The following PDE3A variants were observed in gnomAD, a reference collection of about 807,000 sequenced individuals.
PDE3A encodes phosphodiesterase 3A.
PDE3A carries 43 observed loss-of-function variants against 98.3 expected under a neutral mutation model. That is an observed-to-expected ratio of 0.44 (90% confidence interval 0.34 to 0.56). PDE3A has a LOEUF of 0.56. Ranked by LOEUF, PDE3A falls within the 20% of genes least tolerant of loss-of-function variation. PDE3A has a pLI of 0.01. For synonymous variants in PDE3A, 663 were observed against 567.9 expected (o/e 1.17, Z -2.38); for missense variants, 1,427 against 1,440.7 (o/e 0.99, Z 0.15).
chr12:20,669,342 C>T (rs2120405662), intron 15 of PDE3A, among the ~76,000 whole-genome samples: 1 of 152,074 alleles, frequency 6.6e-6, no homozygotes, highest in East Asian at 1.9e-4. Context: ...TCAGGAAATA[C>T]AGAGAACACC....
intron 2 of PDE3A, among the ~76,000 whole-genome samples, chr12:20,606,782 T>C (rs969567780): frequency 7.0e-6 from 1 of 143,594 alleles, no homozygotes; most frequent in Non-Finnish European, 1.5e-5. Context: ...CACTTGAACC[T>C]GGGAGGTGGA....
intron 1 of PDE3A, among the ~76,000 whole-genome samples, chr12:20,457,473 A>G (rs932666795): frequency 6.6e-6 from 1 of 151,918 alleles, no homozygotes; most frequent in Non-Finnish European, 1.5e-5. Context: ...AAATATTTGC[A>G]TATATGCACA....
chr12:20,556,894 G>A (rs1942383717), intron 2 of PDE3A, 184 bp downstream of exon 2: 5 of 642,288 alleles, frequency 7.8e-6, no homozygotes, highest in East Asian at 2.8e-5. Context: ...CAGATGCCAG[G>A]ATATTCCTTC....
intron 8 of PDE3A, 62 bp downstream of exon 8, chr12:20,635,118 G>A (rs1397358968): frequency 2.1e-6 from 3 of 1,457,532 alleles, no homozygotes; most frequent in Non-Finnish European, 1.9e-6. Context: ...TACAGATATT[G>A]GCTCAGAAAT....
rs193269619 is a variant in PDE3A, at chr12:20,685,319, G to A, written c.*5048G>A. Among the ~76,000 whole-genome samples, 56 of 142,756 alleles carry A rather than the reference G, an allele frequency of 3.9e-4. No individual in the cohort carries two copies. Among genetic ancestry groups the A allele is most frequent in the African/African-American group, 1.4e-3 (55 of 38,336 alleles). 93.7% of individuals were successfully genotyped at this position (142,756 alleles called of 152,430 possible). A position where few individuals can be genotyped will look rare whatever the true frequency, so the allele number is the denominator to read the frequency against. On this transcript the variant is annotated 3_prime_UTR_variant, in exon 16 of 16. Transcript: ENST00000359062. ...CCCAGCTACCCAGGAGGCTGAGGCAGAATCGCTTGAACCTGGGAGGCAGAG... is the reference window on the plus strand; with the variant it reads ...CCCAGCTACCCAGGAGGCTGAGGCAAAATCGCTTGAACCTGGGAGGCAGAG...
intron 1 of PDE3A, among the ~76,000 whole-genome samples, chr12:20,396,168 C>G (rs980939504): frequency 6.6e-6 from 1 of 152,084 alleles, no homozygotes; most frequent in African/African-American, 2.4e-5. Context: ...CATAGCTCCC[C>G]AATATAAATG....
chr12:20,688,177 A>C lies in PDE3A; in HGVS notation c.*7906A>C, dbSNP rs552210874. 1.3e-5 allele frequency among the ~76,000 whole-genome samples: 2 copies of C among 151,892 alleles called. No homozygotes were observed. The highest frequency in any genetic ancestry group is 4.8e-5 in the African/African-American group (2 of 41,406). On this transcript the variant is annotated 3_prime_UTR_variant, in exon 16 of 16. Coordinates refer to ENST00000359062, the MANE Select transcript of PDE3A (RefSeq NM_000921.5). ...ACTAATAACTTTGCCAAATTTTTCA[A>C]CTTCTAGAAAAACAAGAGTGAGTCT...
intron 15 of PDE3A, among the ~76,000 whole-genome samples, chr12:20,673,637 G>T (rs1298292651): frequency 1.3e-5 from 2 of 149,268 alleles, no homozygotes; most frequent in African/African-American, 4.9e-5. Context: ...ACTCATAGGT[G>T]GGAATTGAAC....
chr12:20,537,849 T>TAA (rs33973053), intron 1 of PDE3A, among the ~76,000 whole-genome samples: 154 of 145,196 alleles, frequency 1.1e-3, no homozygotes, highest in Non-Finnish European at 1.7e-3. Flanking sequence ...CCTTTGTTCT[T>TAA]AAAAAAAAAA....
intron 1 of PDE3A, among the ~76,000 whole-genome samples, chr12:20,412,783 A>T (rs1202225027): frequency 2.0e-5 from 3 of 152,148 alleles, no homozygotes; most frequent in African/African-American, 7.2e-5. Context: ...GGGAGGGATG[A>T]TTTTTAGCCA....
chr12:20,571,783 A>G (rs538681875), intron 2 of PDE3A: 37 of 261,632 alleles, frequency 1.4e-4, no homozygotes, highest in Admixed American at 8.4e-4. Flanking sequence ...TTTTACATCC[A>G]TAATGCATTT....
At chr12:20,552,000 G>A (rs1942219366) in intron 1 of PDE3A, 12 of 1,612,388 alleles carry the variant, frequency 7.4e-6, no homozygotes, top group South Asian at 2.2e-5. Flanking sequence ...ACGACGGAGC[G>A]TACTCCCTAG....
intron 2 of PDE3A, among the ~76,000 whole-genome samples, chr12:20,586,811 A>ATCTT (rs1943207856): frequency 6.6e-6 from 1 of 152,238 alleles, no homozygotes; most frequent in Non-Finnish European, 1.5e-5. Context: ...ACTTAGCCTA[A>ATCTT]TCTTTAATTT....
chr12:20,511,373 G>T (rs1332551937), intron 1 of PDE3A, among the ~76,000 whole-genome samples: 1 of 151,128 alleles, frequency 6.6e-6, no homozygotes, highest in Non-Finnish European at 1.5e-5. Context: ...TACGAGAAAA[G>T]CTTGGAGTAT....
At chr12:20,535,186 C>G (rs565192029) in intron 1 of PDE3A, among the ~76,000 whole-genome samples, 1 of 152,154 alleles carries the variant, frequency 6.6e-6, no homozygotes, top group Non-Finnish European at 1.5e-5. Flanking sequence ...TTAAACTTCA[C>G]GTATAAGGTT....
In PDE3A at chr12:20,633,741, G is replaced by C; in HGVS notation, c.1809G>C (p.Glu603Asp). 6.2e-7 allele frequency: 1 copy of C among 1,610,606 alleles called. No homozygotes were observed. Among genetic ancestry groups the C allele is most frequent in the Non-Finnish European group, 8.5e-7 (1 of 1,178,086 alleles). Residue 603 changes from glutamate (E) to aspartate (D), a missense_variant, in exon 7 of 16, where the codon GAG becomes GAC. Coordinates refer to ENST00000359062, the MANE Select transcript of PDE3A (RefSeq NM_000921.5). ...GGAATCCTGCTGATGAGCCCCTGGA[G>C]AGAAGTGGGGTAGCCACTCGGACAC... ...SQGNPADEPLERSGVATRTPS... is the reference protein window; with the variant it reads ...SQGNPADEPLDRSGVATRTPS...
At chr12:20,583,436 T>A (rs1943117687) in intron 2 of PDE3A, among the ~76,000 whole-genome samples, 1 of 152,128 alleles carries the variant, frequency 6.6e-6, no homozygotes, top group South Asian at 2.1e-4. Context: ...CTACTGGTGA[T>A]TTCATTAGGA....
intron 14 of PDE3A, among the ~76,000 whole-genome samples, chr12:20,651,220 A>C (rs921489230): frequency 1.3e-5 from 2 of 152,196 alleles, no homozygotes; most frequent in Non-Finnish European, 2.9e-5. Flanking sequence ...CCACAATTAC[A>C]TAAGCTGGGG....
chr12:20,648,867 C>T lies in PDE3A; in HGVS notation c.2745C>T (p.Asp915=). ...CCACTGACCTGAAGAAACACTTTGA[C>T]TTCGTAGCCAAATTTAATGGCAAGG... ...ILATDLKKHF[D]FVAKFNGKVN... The change falls in exon 13 of 16, where the codon GAC becomes GAT. Residue 915 remains aspartate (D), a synonymous_variant. Transcript: ENST00000359062. 6.2e-7 allele frequency: 1 copy of T among 1,611,782 alleles called. No individual in the cohort carries two copies. The highest frequency in any genetic ancestry group is 1.1e-5 in the South Asian group (1 of 91,028).
Sources: allele counts gnomAD v4.1 joint callset (sites outside exome capture counted in the v4.1 genomes callset), GRCh38; gene constraint gnomAD v4.1.1; transcripts MANE v1.5; gene names NCBI Gene and HGNC (gene_info 2026-07-23, HGNC 2026-07-21).